The following TMEM192 variants were observed in gnomAD, a reference collection of about 807,000 sequenced individuals.
TMEM192 encodes transmembrane protein 192.
In TMEM192, 20 loss-of-function variants were observed where a neutral mutation model predicts 26.7. The observed-to-expected ratio is 0.75, with a 90% CI of 0.53 to 1.09. TMEM192 has a LOEUF of 1.09. Ranked by LOEUF, TMEM192 falls within the 50% of genes least tolerant of loss-of-function variation. The probability of loss-of-function intolerance (pLI) is 0.00; values close to 1 mark genes in which losing one functional copy is unlikely to be tolerated. For synonymous variants in TMEM192, 124 were observed against 121.0 expected (o/e 1.02, Z -0.16); for missense variants, 304 against 322.6 (o/e 0.94, Z 0.44).
At chr4:165,102,475 C>T (rs1002753648) in intron 2 of TMEM192, among the ~76,000 whole-genome samples, 1 of 152,094 alleles carries the variant, frequency 6.6e-6, no homozygotes, top group African/African-American at 2.4e-5. Context: ...CCTCTCAACT[C>T]CCTTTTAAAA....
chr4:165,102,434 A>G (rs1317928530), intron 2 of TMEM192, among the ~76,000 whole-genome samples: 1 of 152,130 alleles, frequency 6.6e-6, no homozygotes, highest in African/African-American at 2.4e-5. Context: ...GAAATATTCT[A>G]TTATATACAG....
At chr4:165,110,627 C>T (rs1735272676) in intron 1 of TMEM192, among the ~76,000 whole-genome samples, 1 of 152,208 alleles carries the variant, frequency 6.6e-6, no homozygotes, top group Admixed American at 6.5e-5. Flanking sequence ...ATCACTTGAA[C>T]CCGGGAGGCG....
At chr4:165,087,714 C>T (rs189009165) in intron 4 of TMEM192, among the ~76,000 whole-genome samples, 69 of 152,108 alleles carry the variant, frequency 4.5e-4, no homozygotes, top group African/African-American at 1.4e-3. Context: ...CCAAGGCGGG[C>T]GGATCACCTG....
At chr4:165,096,021 T>C (rs1190143994) in intron 3 of TMEM192, among the ~76,000 whole-genome samples, 2 of 151,046 alleles carry the variant, frequency 1.3e-5, no homozygotes, top group Non-Finnish European at 2.9e-5. Flanking sequence ...TGTCTTGGAC[T>C]CCTGACATCA....
In TMEM192 at chr4:165,079,777, C is replaced by G. The variant is rs1053910124; in HGVS notation, c.697G>C (p.Glu233Gln). 1 of 1,613,734 alleles carries G rather than the reference C, an allele frequency of 6.2e-7. No individual in the cohort carries two copies. Among genetic ancestry groups the G allele is most frequent in the African/African-American group, 1.3e-5 (1 of 74,932 alleles). Residue 233 changes from glutamate to glutamine, a missense_variant, in exon 6 of 6, where the codon GAA becomes CAA. Coordinates refer to ENST00000306480, the MANE Select transcript of TMEM192 (RefSeq NM_001100389.2). The part of the protein sequence containing the change: ...TGFRTISSLE[E>Q]IVEKQGDTIE... The stretch of plus-strand genomic sequence containing the variant: ...GTGTCTCCTTGCTTTTCAACAATTT[C>G]TTCTAGGCTTGAAATAGTTCTGCAA...
chr4:165,081,485 GCC>G (rs1481375188), intron 5 of TMEM192, among the ~76,000 whole-genome samples: 9 of 115,526 alleles, frequency 7.8e-5, no homozygotes, highest in South Asian at 3.7e-4. Context: ...ATGGGTTCAT[GCC>G]ATTCTCCTGC....
In TMEM192 at chr4:165,077,282, T is replaced by A. The variant is rs747730260; in HGVS notation, c.*2376A>T. On this transcript the variant is annotated 3_prime_UTR_variant, in exon 6 of 6. Transcript: ENST00000306480. ...CAAAGTTCATCCTATAAATCTCAGA[T>A]ACTGACTATAGATCCAAATTAAATT... 1.3e-5 allele frequency: 2 copies of A among 152,232 alleles called. No individual in the cohort carries two copies. The highest frequency in any genetic ancestry group is 2.9e-5 in the Non-Finnish European group (2 of 68,042). The allele number at this position is 152,232 out of a possible 1,614,324, so 9.4% of individuals were successfully genotyped here. A position where few individuals can be genotyped will look rare whatever the true frequency, so the allele number is the denominator to read the frequency against.
chr4:165,080,416 A>C (rs972276854), intron 5 of TMEM192, among the ~76,000 whole-genome samples: 2 of 152,172 alleles, frequency 1.3e-5, no homozygotes, highest in Non-Finnish European at 2.9e-5. Context: ...CCACTAATTT[A>C]AGATATTAGT....
rs545721090 is a variant in TMEM192 at position 165,111,145 on chromosome 4, G to A, written c.27+1602C>T. On this transcript the variant is annotated intron_variant, in intron 1 of 5. Transcript: ENST00000306480. The stretch of plus-strand genomic sequence containing the variant: ...CTCGCTCTGTCGCTCTGTTGCCCCG[G>A]CTGGAGTGCAGTGATGCGATCTTGG... Among the ~76,000 whole-genome samples the A allele has an allele frequency of 3.9e-5, 6 of 152,252 alleles. No individual in the cohort carries two copies. In the South Asian group the frequency reaches 1.2e-3, roughly 32 times the overall value.
At chr4:165,098,700 G>GT (rs974361441) in intron 3 of TMEM192, among the ~76,000 whole-genome samples, 4 of 150,774 alleles carry the variant, frequency 2.7e-5, no homozygotes, top group Admixed American at 2.0e-4. Context: ...ATGGATTCAA[G>GT]TTTTTTTTTC....
chr4:165,108,108 T>G (rs1578915512), intron 1 of TMEM192, among the ~76,000 whole-genome samples: 1 of 137,174 alleles, frequency 7.3e-6, no homozygotes, highest in South Asian at 2.3e-4. Flanking sequence ...ATTTTCTGTA[T>G]TCCCTTTTTT....
At chr4:165,102,442 C>T (rs1025474218) in intron 2 of TMEM192, among the ~76,000 whole-genome samples, 17 of 152,178 alleles carry the variant, frequency 1.1e-4, no homozygotes, top group Admixed American at 7.9e-4. Context: ...CTATTATATA[C>T]AGGAAAACAG....
chr4:165,085,549 A>T, intron 5 of TMEM192, 37 bp downstream of exon 5: 4 of 1,426,906 alleles, frequency 2.8e-6, no homozygotes, highest in Non-Finnish European at 3.9e-6. Context: ...TTTCTAGGGG[A>T]AAAAACTCAA....
chr4:165,097,788 T>A (rs955477008), intron 3 of TMEM192, among the ~76,000 whole-genome samples: 2 of 144,612 alleles, frequency 1.4e-5, no homozygotes, highest in African/African-American at 5.7e-5. Context: ...CTAATTTATT[T>A]ATTTTATTTT....
rs1356530572 is a variant in TMEM192 at position 165,072,934 on chromosome 4, GAGATT to G, written c.*6719_*6723del. 1 of 152,122 alleles carries G rather than the reference GAGATT, an allele frequency of 6.6e-6. No individual in the cohort carries two copies. The highest frequency in any genetic ancestry group is 1.5e-5 in the Non-Finnish European group (1 of 68,062). 9.4% of individuals were successfully genotyped at this position (152,122 alleles called of 1,614,324 possible). A position where few individuals can be genotyped will look rare whatever the true frequency, so the allele number is the denominator to read the frequency against. ...AGCTCATAAATTCTATCAAAGTCATGAGATTGTGTGAGACCACCAAGAGAGTGAAC... is the reference window on the plus strand; with the variant it reads ...AGCTCATAAATTCTATCAAAGTCATGGTGTGAGACCACCAAGAGAGTGAAC... On this transcript the variant is annotated 3_prime_UTR_variant, in exon 6 of 6. Transcript: ENST00000306480.
chr4:165,089,774 T>G (rs1016517777), intron 3 of TMEM192, among the ~76,000 whole-genome samples: 3 of 152,176 alleles, frequency 2.0e-5, no homozygotes, highest in Admixed American at 1.3e-4. Flanking sequence ...AGAGAGACTT[T>G]GCTTCTGAGC....
chr4:165,100,421 G>T (rs1735011541), intron 3 of TMEM192, among the ~76,000 whole-genome samples: 1 of 152,128 alleles, frequency 6.6e-6, no homozygotes, highest in Admixed American at 6.5e-5. Flanking sequence ...GCATTCCAAA[G>T]TGCTGGGATT....
Position 165,071,301 on chromosome 4 carries a change from T to C in TMEM192, c.*8357A>G, listed in dbSNP as rs1275908842. 1 of 149,524 alleles carries C rather than the reference T, an allele frequency of 6.7e-6. No individual in the cohort carries two copies. The highest frequency in any genetic ancestry group is 2.5e-5 in the African/African-American group (1 of 40,050). The allele number at this position is 149,524 out of a possible 1,614,324, so 9.3% of individuals were successfully genotyped here. A position where few individuals can be genotyped will look rare whatever the true frequency, so the allele number is the denominator to read the frequency against. ...ACTGAAGTGGGAGGATTTTTTTTTT[T>C]TGGGGGGGGGACGGATTCTCACTCT... On this transcript the variant is annotated 3_prime_UTR_variant, in exon 6 of 6. Coordinates refer to ENST00000306480, the MANE Select transcript of TMEM192 (RefSeq NM_001100389.2).
At chr4:165,089,784 C>G (rs1432973804) in intron 3 of TMEM192, among the ~76,000 whole-genome samples, 3 of 152,124 alleles carry the variant, frequency 2.0e-5, no homozygotes, top group Non-Finnish European at 2.9e-5. Context: ...TGCTTCTGAG[C>G]CCCTCCCAAT....
Sources: gnomAD v4.1 joint callset for allele counts (sites outside exome capture counted in the v4.1 genomes callset) on GRCh38, gnomAD v4.1.1 for gene constraint, MANE v1.5 for transcripts, NCBI Gene and HGNC (gene_info 2026-07-23, HGNC 2026-07-21) for gene names.